LRIT3: variants seen among roughly 807,000 people sequenced by gnomAD.
The protein encoded by LRIT3 is leucine rich repeat, Ig-like and transmembrane domains 3.
In LRIT3, 14 loss-of-function variants were observed where a neutral mutation model predicts 22.6. The observed-to-expected ratio is 0.62, with a 90% CI of 0.41 to 0.97. LRIT3 has a LOEUF of 0.97. Among genes scored for constraint, LRIT3 ranks in the 50% least tolerant of loss-of-function variants. The pLI is 0.00. For synonymous variants in LRIT3, 306 were observed against 304.5 expected (o/e 1.01, Z -0.05); for missense variants, 783 against 803.0 (o/e 0.98, Z 0.30).
In LRIT3 at chr4:109,869,568, T is replaced by A; in HGVS notation, c.896-77T>A. ...GAGAGGATGCATGTAGAGTGGATAG[T>A]TGTTTCCTCCTCAGTTGGCATGGTG... On this transcript the variant is annotated intron_variant, in intron 3 of 3. Transcript: ENST00000594814. The A allele has an allele frequency of 2.2e-6, 3 of 1,389,822 alleles. No homozygotes were observed. In the Admixed American group the frequency reaches 6.9e-5, roughly 32 times the overall value. The allele number at this position is 1,389,822 out of a possible 1,614,324, so 86.1% of individuals were successfully genotyped here.
At chr4:109,851,306 A>T in intron 1 of LRIT3, 198 bp from the exon 2 acceptor site, 1 of 622,774 alleles carries the variant, frequency 1.6e-6, no homozygotes, top group Non-Finnish European at 2.7e-6. Flanking sequence ...GTGGTTTTCC[A>T]TGGCCACAGA....
Position 109,871,771 on chromosome 4 carries a change from A to C in LRIT3, c.*982A>C, listed in dbSNP as rs191289678. On this transcript the variant is annotated 3_prime_UTR_variant, in exon 4 of 4. Coordinates refer to ENST00000594814, the MANE Select transcript of LRIT3 (RefSeq NM_198506.5). Reference sequence around the variant, plus strand: ...CCCCAAAGGATATTTTAGGACTTTAAAAGGGAAGCTTCAGTGGATTCATTT... The same window carrying C: ...CCCCAAAGGATATTTTAGGACTTTACAAGGGAAGCTTCAGTGGATTCATTT... 3 of 152,354 alleles carry C rather than the reference A, an allele frequency of 2.0e-5. No homozygotes were observed. The highest frequency in any genetic ancestry group is 6.5e-5 in the Admixed American group (1 of 15,302). The allele number at this position is 152,354 out of a possible 1,614,324, so 9.4% of individuals were successfully genotyped here.
At chr4:109,850,353 G>T (rs527677268) in intron 1 of LRIT3, among the ~76,000 whole-genome samples, 1,754 of 135,166 alleles carry the variant, frequency 0.013, 26 homozygotes, top group Middle Eastern at 0.032. Flanking sequence ...GGACAGTGTT[G>T]TCTTCCTTCC....
At chr4:109,860,965 G>T (rs1373878225) in intron 2 of LRIT3, among the ~76,000 whole-genome samples, 1 of 152,180 alleles carries the variant, frequency 6.6e-6, no homozygotes, top group African/African-American at 2.4e-5. Flanking sequence ...CGAGTTTGGG[G>T]CCATAATAAA....
chr4:109,848,250 G>C lies in LRIT3; in HGVS notation c.49G>C (p.Val17Leu), dbSNP rs1300484122. The C allele has an allele frequency of 3.2e-6, 4 of 1,231,980 alleles. No homozygotes were observed. The highest frequency in any genetic ancestry group is 4.0e-6 in the Non-Finnish European group (4 of 987,914). The allele number at this position is 1,231,980 out of a possible 1,614,324, so 76.3% of individuals were successfully genotyped here. A position where few individuals can be genotyped will look rare whatever the true frequency, so the allele number is the denominator to read the frequency against. The change falls in exon 1 of 4, where the codon GTG becomes CTG. Residue 17 changes from valine to leucine, a missense_variant. By Grantham distance (32) the Val-to-Leu change is conservative (BLOSUM62 1). This residue lies in a region of LRIT3 where 27 missense variants were observed against 49.2 expected (regional missense o/e 0.55). Transcript: ENST00000594814. ...LCIVLSFLEGVGCLCPSQCTC... is the reference protein window; with the variant it reads ...LCIVLSFLEGLGCLCPSQCTC... ...CATTGTCCTTAGCTTTTTGGAAGGA[G>C]TGGGCTGTTTGTGTCCTTCACAGTG...
intron 2 of LRIT3, among the ~76,000 whole-genome samples, chr4:109,866,155 A>G (rs554688257): frequency 7.8e-4 from 119 of 152,340 alleles, no homozygotes; most frequent in Non-Finnish European, 1.1e-3. Flanking sequence ...TAATAAAAAT[A>G]TAGAATTTAT....
chr4:109,855,379 T>C (rs1291239122), intron 2 of LRIT3, among the ~76,000 whole-genome samples: 5 of 152,240 alleles, frequency 3.3e-5, no homozygotes, highest in Admixed American at 3.3e-4. Context: ...TTGGGATCAG[T>C]GGTTATATCC....
At chr4:109,855,843 A>T (rs11098049) in intron 2 of LRIT3, among the ~76,000 whole-genome samples, 30,158 of 151,892 alleles carry the variant, frequency 0.2, 3,583 homozygotes, top group Admixed American at 0.34. Flanking sequence ...CATGTAGTTG[A>T]GTGGTTTTGA....
At position 109,871,374 on chromosome 4, in the gene LRIT3, T is replaced by G. The variant is rs1348907304; in HGVS notation, c.*585T>G. 1 of 152,220 alleles carries G rather than the reference T, an allele frequency of 6.6e-6. No individual in the cohort carries two copies. The highest frequency in any genetic ancestry group is 1.5e-5 in the Non-Finnish European group (1 of 68,040). The allele number at this position is 152,220 out of a possible 1,614,324, so 9.4% of individuals were successfully genotyped here. A position where few individuals can be genotyped will look rare whatever the true frequency, so the allele number is the denominator to read the frequency against. Reference sequence around the variant, plus strand: ...CTTGTAAGAAAAATTTTTGCTTTTCTTTAGAAATATAGGTATTAGCAAAAG... The same window carrying G: ...CTTGTAAGAAAAATTTTTGCTTTTCGTTAGAAATATAGGTATTAGCAAAAG... On this transcript the variant is annotated 3_prime_UTR_variant, in exon 4 of 4. Coordinates refer to ENST00000594814, the MANE Select transcript of LRIT3 (RefSeq NM_198506.5).
At position 109,872,094 on chromosome 4, in the gene LRIT3, A is replaced by T. The variant is rs1734851653; in HGVS notation, c.*1305A>T. On this transcript the variant is annotated 3_prime_UTR_variant, in exon 4 of 4. Coordinates refer to ENST00000594814, the MANE Select transcript of LRIT3 (RefSeq NM_198506.5). ...TTTTAGAACAAAGCCTAACCTTACTAGATTAAACTTGCTCTATGAAAGAAA... is the reference window on the plus strand; with the variant it reads ...TTTTAGAACAAAGCCTAACCTTACTTGATTAAACTTGCTCTATGAAAGAAA... The T allele has an allele frequency of 6.6e-6, 1 of 152,204 alleles. No homozygotes were observed. The highest frequency in any genetic ancestry group is 6.5e-5 in the Admixed American group (1 of 15,284). 9.4% of individuals were successfully genotyped at this position (152,204 alleles called of 1,614,324 possible).
At chr4:109,857,284 A>T (rs1004673743) in intron 2 of LRIT3, among the ~76,000 whole-genome samples, 6 of 141,696 alleles carry the variant, frequency 4.2e-5, no homozygotes, top group South Asian at 2.5e-4. Flanking sequence ...GGTGGGGGGA[A>T]TAGGTTGTAT....
chr4:109,870,326 A>T lies in LRIT3; in HGVS notation c.1577A>T (p.Asp526Val). The T allele has an allele frequency of 1.9e-6, 3 of 1,614,172 alleles. No homozygotes were observed. Among genetic ancestry groups the T allele is most frequent in the Non-Finnish European group, 2.5e-6 (3 of 1,180,012 alleles). Residue 526 changes from aspartate to valine, a missense_variant, in exon 4 of 4, where the codon GAC becomes GTC. By Grantham distance (152) the Asp-to-Val change is radical. This residue lies in a region of LRIT3 where 756 missense variants were observed against 753.8 expected (regional missense o/e 1.00). Transcript: ENST00000594814. Reference protein sequence around the residue: ...TVLYSKYGGKDLLLLNADSSK... With the variant: ...TVLYSKYGGKVLLLLNADSSK... ...TTGTATTCCAAGTATGGTGGGAAGG[A>T]CCTGCTGCTGTTGAATGCAGACTCC... is the stretch of plus-strand genomic sequence containing the variant.
At chr4:109,854,400 G>A (rs190506969) in intron 2 of LRIT3, among the ~76,000 whole-genome samples, 10 of 152,284 alleles carry the variant, frequency 6.6e-5, no homozygotes, top group African/African-American at 2.2e-4. Flanking sequence ...TATTATTGGT[G>A]TATAGAAATG....
At chr4:109,868,299 G>A (rs752331580) in intron 3 of LRIT3, among the ~76,000 whole-genome samples, 25 of 152,048 alleles carry the variant, frequency 1.6e-4, no homozygotes, top group African/African-American at 4.8e-4. Flanking sequence ...GGTTGGGTGC[G>A]GTGGCTCACA....
At position 109,869,861 on chromosome 4, in the gene LRIT3, C is replaced by T. The variant is rs750103732; in HGVS notation, c.1112C>T (p.Pro371Leu). Residue 371 changes from proline to leucine, a missense_variant, in exon 4 of 4, where the codon CCG (proline) becomes CTG (leucine). Transcript: ENST00000594814. ...GATCATCCTGAGTGGGATGTCCAGC[C>T]GGGATCTGGAAGATCTACATCTGTA... ...TGDHPEWDVQ[P>L]GSGRSTSVSS... 20 of 1,614,028 alleles carry T rather than the reference C, an allele frequency of 1.2e-5. No individual in the cohort carries two copies. The Middle Eastern group carries it at 4.9e-4, about 40-fold the overall frequency.
At chr4:109,850,469 T>A (rs192628200) in intron 1 of LRIT3, among the ~76,000 whole-genome samples, 167 of 138,144 alleles carry the variant, frequency 1.2e-3, no homozygotes, top group Non-Finnish European at 1.7e-3. Flanking sequence ...CTTTCTTTCT[T>A]TCTTTCTTTC....
chr4:109,863,370 C>A (rs757817325), intron 2 of LRIT3, among the ~76,000 whole-genome samples: 5 of 152,104 alleles, frequency 3.3e-5, no homozygotes, highest in Non-Finnish European at 5.9e-5. Context: ...GCTTCCTGAA[C>A]CTTGGTTTTC....
intron 2 of LRIT3, among the ~76,000 whole-genome samples, chr4:109,860,642 A>G (rs1390685182): frequency 6.6e-6 from 1 of 152,248 alleles, no homozygotes; most frequent in Non-Finnish European, 1.5e-5. Context: ...ATACCCTTAC[A>G]TAACTTACAC....
At chr4:109,852,626 A>T (rs746650991) in intron 2 of LRIT3, among the ~76,000 whole-genome samples, 2 of 152,010 alleles carry the variant, frequency 1.3e-5, no homozygotes, top group Non-Finnish European at 2.9e-5. Flanking sequence ...ATTATACTTT[A>T]TGTGCAGAAC....
Sources: gnomAD v4.1 joint callset for allele counts (sites outside exome capture counted in the v4.1 genomes callset) on GRCh38, gnomAD v4.1.1 for gene constraint, gnomAD v4.1.1 regional missense constraint, MANE v1.5 for transcripts, NCBI Gene and HGNC (gene_info 2026-07-23, HGNC 2026-07-21) for gene names.